The following CCDC171 variants were observed in gnomAD, a reference collection of about 807,000 sequenced individuals.
CCDC171 encodes coiled-coil domain-containing protein 171.
In CCDC171, 177 loss-of-function variants were observed where a neutral mutation model predicts 168.2. That is an observed-to-expected ratio of 1.05 (90% CI 0.93 to 1.19). The LOEUF is 1.19. CCDC171 is among the 50% of genes most tolerant of loss of function. The pLI is 0.00. For synonymous variants in CCDC171, 687 were observed against 540.8 expected (o/e 1.27, Z -3.75); for missense variants, 1,991 against 1,539.0 (o/e 1.29, Z -4.91).
chr9:15,917,478 CT>C (rs1824687806), intron 24 of CCDC171, among the ~76,000 whole-genome samples: 2 of 150,408 alleles, frequency 1.3e-5, no homozygotes, highest in Non-Finnish European at 3.0e-5. Flanking sequence ...TTATTATATT[CT>C]TTTTAGTGTT....
chr9:15,877,579 A>C (rs1406351288), intron 24 of CCDC171, among the ~76,000 whole-genome samples: 7 of 152,152 alleles, frequency 4.6e-5, no homozygotes, highest in Admixed American at 2.6e-4. Context: ...GTCTCCAGTG[A>C]AACCTTTCGT....
Position 15,662,605 on chromosome 9 carries a change from T to A in CCDC171, c.916-3558T>A, listed in dbSNP as rs866233939. Among the ~76,000 whole-genome samples, 26 of 152,268 alleles carry A rather than the reference T, an allele frequency of 1.7e-4. No individual in the cohort carries two copies. The Middle Eastern group carries it at 0.014, about 80-fold the overall frequency. Reference sequence around the variant, plus strand: ...CAGCTCCTCAAGATCTAAGACTGTGTAGTTTCATTATTGTATGTATCTTGA... The same window carrying A: ...CAGCTCCTCAAGATCTAAGACTGTGAAGTTTCATTATTGTATGTATCTTGA... On this transcript the variant is annotated intron_variant, in intron 8 of 25. Transcript: ENST00000380701.
At chr9:15,657,055 G>T (rs2132947251) in intron 7 of CCDC171, 72 bp from the exon 8 acceptor site, 2 of 748,036 alleles carry the variant, frequency 2.7e-6, no homozygotes, top group East Asian at 2.7e-5. Context: ...TAATTATAAT[G>T]CTGGACTGTA....
chr9:15,727,461 G>C (rs781083097), intron 14 of CCDC171, among the ~76,000 whole-genome samples: 1 of 152,042 alleles, frequency 6.6e-6, no homozygotes, highest in Non-Finnish European at 1.5e-5. Flanking sequence ...ATCTATTTTG[G>C]CAAATGTAAC....
chr9:16,104,668 C>A, the CCDC171 span, among the ~76,000 whole-genome samples: 1 of 152,118 alleles, frequency 6.6e-6, no homozygotes, highest in Non-Finnish European at 1.5e-5. Flanking sequence ...ATCCATCCAT[C>A]CATTCATCCA....
intron 4 of CCDC171, among the ~76,000 whole-genome samples, chr9:15,579,570 A>C (rs2040949686): frequency 3.3e-5 from 5 of 152,198 alleles, no homozygotes; most frequent in Admixed American, 3.3e-4. Context: ...TAATATATAA[A>C]AATAAATGTG....
Position 15,802,341 on chromosome 9 carries a change from G to T in CCDC171, c.3267+17647G>T, listed in dbSNP as rs576885249. On this transcript the variant is annotated intron_variant, in intron 21 of 25. Coordinates refer to ENST00000380701, the MANE Select transcript of CCDC171 (RefSeq NM_173550.4). ...GTGTGCCATTGTGGTTTGCTGTACA[G>T]ATCATTCTATCACCCAGGTATTAAG... Among the ~76,000 whole-genome samples the T allele has an allele frequency of 1.4e-3, 211 of 152,016 alleles. 1 individual carries two copies. The highest frequency in any genetic ancestry group is 5.0e-3 in the African/African-American group (206 of 41,476).
At chr9:15,832,525 TG>T (rs1379615591) in intron 21 of CCDC171, among the ~76,000 whole-genome samples, 1 of 152,204 alleles carries the variant, frequency 6.6e-6, no homozygotes, top group African/African-American at 2.4e-5. Flanking sequence ...TGTAGGCAAT[TG>T]TAACACAGTG....
intron 1 of CCDC171, among the ~76,000 whole-genome samples, chr9:16,060,333 CTT>C (rs1254574246): frequency 1.3e-5 from 2 of 152,154 alleles, no homozygotes; most frequent in Admixed American, 6.5e-5. Flanking sequence ...CCGTGAGGGT[CTT>C]TGCGTGGCGC....
intron 25 of CCDC171, among the ~76,000 whole-genome samples, chr9:15,953,557 T>G (rs528447183): frequency 6.6e-6 from 1 of 152,172 alleles, no homozygotes; most frequent in Non-Finnish European, 1.5e-5. Flanking sequence ...GTCATTTTAT[T>G]GTGCTGTTGA....
Position 15,724,779 on chromosome 9 carries a change from C to T in CCDC171, c.1495C>T (p.Leu499Phe). Residue 499 changes from leucine to phenylalanine, a missense_variant, in exon 14 of 26, where the codon CTT becomes TTT. Coordinates refer to ENST00000380701, the MANE Select transcript of CCDC171 (RefSeq NM_173550.4). ...IDSHTKNIKE[L>F]QDKLADVNKE... The stretch of plus-strand genomic sequence containing the variant: ...CTTTATTTGGTATCTATGACAGGAA[C>T]TTCAGGATAAACTGGCTGATGTTAA... 2 of 1,611,998 alleles carry T rather than the reference C, an allele frequency of 1.2e-6. No individual in the cohort carries two copies. Among genetic ancestry groups the T allele is most frequent in the Non-Finnish European group, 1.7e-6 (2 of 1,178,414 alleles).
At chr9:15,628,872 C>T (rs368248153) in intron 7 of CCDC171, among the ~76,000 whole-genome samples, 19 of 152,146 alleles carry the variant, frequency 1.2e-4, no homozygotes, top group East Asian at 1.9e-4. Flanking sequence ...TAACGGTTCA[C>T]GAAAATCCGC....
chr9:15,928,314 C>T (rs968781402), intron 25 of CCDC171, among the ~76,000 whole-genome samples: 2 of 151,636 alleles, frequency 1.3e-5, no homozygotes, highest in Non-Finnish European at 2.9e-5. Context: ...GAATTGAAAT[C>T]TCAGTTGAAA....
downstream of CCDC171, among the ~76,000 whole-genome samples, chr9:16,066,431 G>T (rs920135549): frequency 6.6e-6 from 1 of 151,286 alleles, no homozygotes; most frequent in African/African-American, 2.4e-5. Context: ...GTGAAGTCAC[G>T]TGCTGTGTTT....
At chr9:15,794,451 G>A (rs184705760) in intron 21 of CCDC171, among the ~76,000 whole-genome samples, 40 of 152,104 alleles carry the variant, frequency 2.6e-4, no homozygotes, top group Admixed American at 2.5e-3. Context: ...GTGACAGAGC[G>A]AGACTCTGTC....
At position 15,724,895 on chromosome 9, in the gene CCDC171, T is replaced by G. The variant is rs1476001721; in HGVS notation, c.1611T>G (p.Cys537Trp). 2 of 1,613,844 alleles carry G rather than the reference T, an allele frequency of 1.2e-6. No homozygotes were observed. Among genetic ancestry groups the G allele is most frequent in the Admixed American group, 3.3e-5 (2 of 59,976 alleles). ...LKVELQNVLH[C>W]WEKEKAQAAQ... ...TGGAACTACAAAATGTGCTGCACTGTTGGGAGAAAGAAAAGGCTCAGGCAG... is the reference window on the plus strand; with the variant it reads ...TGGAACTACAAAATGTGCTGCACTGGTGGGAGAAAGAAAAGGCTCAGGCAG... The change falls in exon 14 of 26, where the codon TGT becomes TGG. Residue 537 changes from cysteine (C) to tryptophan (W), a missense_variant. Coordinates refer to ENST00000380701, the MANE Select transcript of CCDC171 (RefSeq NM_173550.4).
chr9:15,968,563 CAG>C (rs1831029041), intron 25 of CCDC171, among the ~76,000 whole-genome samples: 1 of 111,532 alleles, frequency 9.0e-6, no homozygotes, highest in South Asian at 3.0e-4. Context: ...TTTTTTGAGA[CAG>C]AGTCTTGCTC....
intron 25 of CCDC171, among the ~76,000 whole-genome samples, chr9:15,923,721 A>G (rs1825597310): frequency 6.6e-6 from 1 of 151,564 alleles, no homozygotes; most frequent in African/African-American, 2.4e-5. Context: ...TTAACAATGT[A>G]TATATACTTG....
chr9:15,569,847 A>AAAAACAAAC (rs1554681001), intron 2 of CCDC171, among the ~76,000 whole-genome samples: 1,305 of 43,900 alleles, frequency 0.03, 17 homozygotes, highest in African/African-American at 0.063. Context: ...ACAAACAAAC[A>AAAAACAAAC]AAAAAAAAAT....
Sources: allele counts gnomAD v4.1 joint callset (sites outside exome capture counted in the v4.1 genomes callset), GRCh38; gene constraint gnomAD v4.1.1; transcripts MANE v1.5; gene names NCBI Gene and HGNC (gene_info 2026-07-23, HGNC 2026-07-21).